DAAM1: variants seen among roughly 807,000 people sequenced by gnomAD.
DAAM1 encodes the protein disheveled-associated activator of morphogenesis 1.
In DAAM1, 52 loss-of-function variants were observed where a neutral mutation model predicts 130.0. That is an observed-to-expected ratio of 0.40 (90% CI 0.32 to 0.50). The LOEUF is 0.50. DAAM1 is among the 20% of genes least tolerant of loss of function. The pLI is 0.61. For synonymous variants in DAAM1, 452 were observed against 444.5 expected, an observed-to-expected ratio of 1.02 and a Z score of -0.21; for missense variants, 1,134 against 1,303.8, an observed-to-expected ratio of 0.87 and a Z score of 2.01.
At chr14:59,368,103 CCTT>C (rs1886994284) in intron 24 of DAAM1, among the ~76,000 whole-genome samples, 1 of 151,858 alleles carries the variant, frequency 6.6e-6, no homozygotes, top group Admixed American at 6.6e-5. Context: ...GTGTGATAAA[CCTT>C]TAAAAAGTTC....
intron 1 of DAAM1, among the ~76,000 whole-genome samples, chr14:59,239,645 G>A (rs2578257): frequency 1.3e-5 from 2 of 151,954 alleles, no homozygotes; most frequent in African/African-American, 4.8e-5. Flanking sequence ...CCCCCACCCC[G>A]ATCCTTGTTA....
intron 16 of DAAM1, among the ~76,000 whole-genome samples, chr14:59,340,580 C>CT (rs1326235288): frequency 1.3e-5 from 2 of 152,280 alleles, no homozygotes; most frequent in Admixed American, 6.5e-5. Context: ...CTAATGTCAC[C>CT]TTTTTTCATT....
At chr14:59,325,860 T>G (rs1885184224) in intron 9 of DAAM1, 100 bp from the exon 10 acceptor site, 2 of 1,519,076 alleles carry the variant, frequency 1.3e-6, no homozygotes, top group Non-Finnish European at 1.8e-6. Flanking sequence ...TTTTGTTTCC[T>G]AAGTGGCAGG....
intron 3 of DAAM1, among the ~76,000 whole-genome samples, chr14:59,312,579 A>G (rs1332393444): frequency 6.6e-6 from 1 of 152,226 alleles, no homozygotes; most frequent in Non-Finnish European, 1.5e-5. Flanking sequence ...AAGAAGAATG[A>G]AGAAACAATG....
chr14:59,333,235 G>A (rs942990689), intron 15 of DAAM1, among the ~76,000 whole-genome samples: 4 of 152,014 alleles, frequency 2.6e-5, no homozygotes, highest in Admixed American at 6.6e-5. Flanking sequence ...AAATAGAGGC[G>A]GTTGCCTGCC....
chr14:59,267,768 C>T lies in DAAM1; in HGVS notation c.183+4108C>T, dbSNP rs999411659. 3.3e-5 allele frequency among the ~76,000 whole-genome samples: 5 copies of T among 152,146 alleles called. No homozygotes were observed. The South Asian group carries it at 6.2e-4, about 19-fold the overall frequency. On this transcript the variant is annotated intron_variant, in intron 2 of 24. Coordinates refer to ENST00000360909, the MANE Select transcript of DAAM1 (RefSeq NM_001270520.2). ...GATAGCTCACATAAATGGAATTATACAATATGTGGTCCTCTGTGACTGGCT... is the reference window on the plus strand; with the variant it reads ...GATAGCTCACATAAATGGAATTATATAATATGTGGTCCTCTGTGACTGGCT...
chr14:59,248,977 C>T (rs951636742), intron 1 of DAAM1, among the ~76,000 whole-genome samples: 1 of 152,116 alleles, frequency 6.6e-6, no homozygotes, highest in South Asian at 2.1e-4. Flanking sequence ...TTGGTAGAGA[C>T]GGGGTTTCAC....
At chr14:59,190,085 C>G (rs1177829834) in intron 1 of DAAM1, among the ~76,000 whole-genome samples, 4 of 152,132 alleles carry the variant, frequency 2.6e-5, no homozygotes, top group Non-Finnish European at 5.9e-5. Context: ...TGTTTCGATT[C>G]GATGTGGCTC....
At chr14:59,351,083 C>T (rs577592656) in intron 17 of DAAM1, among the ~76,000 whole-genome samples, 40 of 149,116 alleles carry the variant, frequency 2.7e-4, no homozygotes, top group Non-Finnish European at 5.4e-4. Context: ...CCAGCCTTCT[C>T]TTCCTTCAAT....
At chr14:59,342,442 G>T (rs931521269) in intron 16 of DAAM1, among the ~76,000 whole-genome samples, 1 of 152,136 alleles carries the variant, frequency 6.6e-6, no homozygotes, top group African/African-American at 2.4e-5. Flanking sequence ...ATTATAATTT[G>T]TATTTTATTT....
intron 16 of DAAM1, among the ~76,000 whole-genome samples, chr14:59,342,431 A>G (rs562594696): frequency 1.3e-5 from 2 of 152,322 alleles, no homozygotes; most frequent in East Asian, 1.9e-4. Flanking sequence ...AGGCAGATTT[A>G]ATTATAATTT....
At chr14:59,222,735 T>A (rs1312412797) in intron 1 of DAAM1, among the ~76,000 whole-genome samples, 1 of 152,226 alleles carries the variant, frequency 6.6e-6, no homozygotes, top group Admixed American at 6.5e-5. Flanking sequence ...AGGAAACTAA[T>A]ATCTTCATGT....
intron 4 of DAAM1, 95 bp from the exon 5 acceptor site, chr14:59,320,395 A>T: frequency 1.1e-6 from 1 of 936,308 alleles, no homozygotes; most frequent in South Asian, 1.8e-5. Context: ...GTTTATATTT[A>T]AAGTGATAGT....
At chr14:59,234,553 A>G (rs541102219) in intron 1 of DAAM1, among the ~76,000 whole-genome samples, 5 of 152,284 alleles carry the variant, frequency 3.3e-5, no homozygotes, top group African/African-American at 7.2e-5. Context: ...TTCTAAATAT[A>G]CAATCATGTC....
intron 2 of DAAM1, among the ~76,000 whole-genome samples, chr14:59,273,484 C>T (rs902046245): frequency 7.9e-5 from 12 of 152,130 alleles, no homozygotes; most frequent in Non-Finnish European, 1.5e-5. Flanking sequence ...ATGCTGTTGA[C>T]AAAATGGCTA....
intron 3 of DAAM1, chr14:59,291,591 C>T (rs955879950): frequency 1.1e-5 from 4 of 354,342 alleles, no homozygotes; most frequent in South Asian, 5.9e-5. Flanking sequence ...CCCAACCCTG[C>T]GCTTTACATA....
Position 59,371,380 on chromosome 14 carries a change from AAAG to A in DAAM1, c.*2523_*2525del, listed in dbSNP as rs898259915. The A allele has an allele frequency of 2.0e-5, 3 of 152,174 alleles. No homozygotes were observed. Among genetic ancestry groups the A allele is most frequent in the African/African-American group, 4.8e-5 (2 of 41,448 alleles). The allele number at this position is 152,174 out of a possible 1,614,324, so 9.4% of individuals were successfully genotyped here. ...TTTTTTAAAAATAGCAATATGCAAT[AAAG>A]AGATGAATTCATTGGGTGTACATAT... On this transcript the variant is annotated 3_prime_UTR_variant, in exon 25 of 25. Coordinates refer to ENST00000360909, the MANE Select transcript of DAAM1 (RefSeq NM_001270520.2).
intron 1 of DAAM1, among the ~76,000 whole-genome samples, chr14:59,198,221 T>A (rs1887972688): frequency 6.6e-6 from 1 of 150,990 alleles, no homozygotes; most frequent in South Asian, 2.1e-4. Context: ...TTTTTTTTTT[T>A]TTGAGACGTA....
At chr14:59,236,835 G>A (rs1889319809) in intron 1 of DAAM1, among the ~76,000 whole-genome samples, 1 of 152,070 alleles carries the variant, frequency 6.6e-6, no homozygotes, top group Admixed American at 6.6e-5. Context: ...TAATATAAGT[G>A]GTTTTGAAAA....
Sources: allele counts gnomAD v4.1 joint callset (sites outside exome capture counted in the v4.1 genomes callset), GRCh38; gene constraint gnomAD v4.1.1; transcripts MANE v1.5; gene names NCBI Gene and HGNC (gene_info 2026-07-23, HGNC 2026-07-21).